The following UQCRC2 variants were observed in gnomAD, a reference collection of about 807,000 sequenced individuals.
The protein encoded by UQCRC2 is ubiquinol-cytochrome c reductase core protein 2.
In UQCRC2, 49 loss-of-function variants were observed where a neutral mutation model predicts 55.6. The ratio of observed to expected loss-of-function variants is 0.88; its 90% confidence interval spans 0.70 to 1.12. The LOEUF (loss-of-function observed/expected upper bound fraction) is 1.12, where lower values mean the gene tolerates loss of function less well. Among genes scored for constraint, UQCRC2 ranks in the 50% most tolerant of loss-of-function variants. The pLI is 0.00. For synonymous variants in UQCRC2, 193 were observed against 192.0 expected, an observed-to-expected ratio of 1.01 and a Z score of -0.04; for missense variants, 506 against 547.8, an observed-to-expected ratio of 0.92 and a Z score of 0.76.
intron 12 of UQCRC2, 155 bp downstream of exon 12, chr16:21,976,398 A>G (rs1898587169): frequency 1.6e-6 from 1 of 639,254 alleles, no homozygotes; most frequent in Non-Finnish European, 2.6e-6. Flanking sequence ...ACCTAAAGAT[A>G]TAATTGTTAA....
intron 4 of UQCRC2, among the ~76,000 whole-genome samples, chr16:21,961,906 G>T (rs1041391095): frequency 3.3e-5 from 5 of 151,638 alleles, no homozygotes; most frequent in African/African-American, 1.2e-4. Context: ...GCCCACCTCG[G>T]CCTCCCAAAG....
intron 3 of UQCRC2, 107 bp from the exon 4 acceptor site, chr16:21,958,428 T>C (rs964449243): frequency 7.3e-6 from 7 of 960,038 alleles, no homozygotes; most frequent in African/African-American, 1.7e-5. Context: ...TGCAGGAATT[T>C]AGTAAAATTC....
At chr16:21,978,168 T>A (rs533868217) in intron 12 of UQCRC2, among the ~76,000 whole-genome samples, 28 of 152,332 alleles carry the variant, frequency 1.8e-4, no homozygotes, top group African/African-American at 5.3e-4. Flanking sequence ...CTTTTTCTTG[T>A]AAGTTCTTCC....
chr16:21,965,520 T>C lies in UQCRC2; in HGVS notation c.612+15T>C, dbSNP rs1397225025. The C allele has an allele frequency of 6.5e-7, 1 of 1,534,088 alleles. No homozygotes were observed. Among genetic ancestry groups the C allele is most frequent in the Non-Finnish European group, 8.8e-7 (1 of 1,139,228 alleles). ...CATCAGAGGAGGTACCAATAAAACA[T>C]ATTTTGAAATGTGCTTGTTTTTCAC... is the stretch of plus-strand genomic sequence containing the variant. On this transcript the variant is annotated intron_variant, in intron 7 of 13. Transcript: ENST00000268379.
intron 4 of UQCRC2, chr16:21,962,201 C>T: frequency 4.3e-6 from 2 of 461,822 alleles, no homozygotes; most frequent in South Asian, 5.7e-5. Context: ...GGCTTATTAT[C>T]CTTAGCATAA....
chr16:21,960,894 A>C (rs1898183471), intron 4 of UQCRC2, among the ~76,000 whole-genome samples: 1 of 152,016 alleles, frequency 6.6e-6, no homozygotes, highest in East Asian at 1.9e-4. Flanking sequence ...GGAGTGGTGC[A>C]GACATACCTT....
intron 8 of UQCRC2, 98 bp from the exon 9 acceptor site, chr16:21,971,427 G>A (rs1898457191): frequency 2.0e-6 from 2 of 997,210 alleles, no homozygotes; most frequent in Non-Finnish European, 3.0e-6. Context: ...TGTAGTGTTA[G>A]GATTTTACAA....
chr16:21,953,590 G>T, intron 1 of UQCRC2, 134 bp downstream of exon 1: 1 of 1,143,654 alleles, frequency 8.7e-7, no homozygotes, highest in Non-Finnish European at 1.2e-6. Flanking sequence ...TGCGGGCCAA[G>T]TGGGCTGCAG....
intron 8 of UQCRC2, among the ~76,000 whole-genome samples, chr16:21,970,791 G>A (rs983618709): frequency 6.6e-6 from 1 of 152,100 alleles, no homozygotes; most frequent in Non-Finnish European, 1.5e-5. Context: ...TCACCATGTT[G>A]GCTGGACTGG....
At chr16:21,969,208 C>T (rs1898399071) in intron 8 of UQCRC2, among the ~76,000 whole-genome samples, 2 of 152,094 alleles carry the variant, frequency 1.3e-5, no homozygotes, top group South Asian at 2.1e-4. Context: ...TAAACTAGTA[C>T]AACATTTTGG....
intron 1 of UQCRC2, among the ~76,000 whole-genome samples, chr16:21,955,143 G>C (rs904357088): frequency 6.6e-6 from 1 of 151,966 alleles, no homozygotes. Flanking sequence ...CTTGGTAACG[G>C]AATTATAGAT....
At chr16:21,956,036 G>A (rs1898081222) in intron 1 of UQCRC2, among the ~76,000 whole-genome samples, 1 of 152,132 alleles carries the variant, frequency 6.6e-6, no homozygotes, top group African/African-American at 2.4e-5. Context: ...TGTTTGTCAG[G>A]CTAGTCTCGA....
chr16:21,958,347 T>A (rs1357878476), intron 3 of UQCRC2, among the ~76,000 whole-genome samples, 188 bp from the exon 4 acceptor site: 1 of 152,238 alleles, frequency 6.6e-6, no homozygotes. Context: ...TTTACATGAA[T>A]GTACTTAATG....
chr16:21,961,121 C>T (rs1019999140), intron 4 of UQCRC2, among the ~76,000 whole-genome samples: 1 of 152,294 alleles, frequency 6.6e-6, no homozygotes, highest in Non-Finnish European at 1.5e-5. Flanking sequence ...AGCCACTGCA[C>T]CCAGCCCAGA....
At chr16:21,968,710 G>A in intron 8 of UQCRC2, 25 bp downstream of exon 8, 7 of 1,592,216 alleles carry the variant, frequency 4.4e-6, no homozygotes, top group Non-Finnish European at 6.0e-6. Context: ...TTGCCTGCCT[G>A]TCAGTTTGCT....
chr16:21,979,452 C>T (rs975711406), intron 12 of UQCRC2, among the ~76,000 whole-genome samples: 2 of 152,142 alleles, frequency 1.3e-5, no homozygotes, highest in Non-Finnish European at 2.9e-5. Context: ...ATGGTATAGC[C>T]TACTACACAC....
At chr16:21,967,070 GT>G (rs1898345077) in intron 7 of UQCRC2, among the ~76,000 whole-genome samples, 1 of 152,100 alleles carries the variant, frequency 6.6e-6, no homozygotes, top group Non-Finnish European at 1.5e-5. Flanking sequence ...GATGTTAACT[GT>G]GATAACTTGG....
chr16:21,975,579 C>T lies in UQCRC2; in HGVS notation c.1048-588C>T, dbSNP rs146923139. Among the ~76,000 whole-genome samples, 8 of 152,218 alleles carry T rather than the reference C, an allele frequency of 5.3e-5. No homozygotes were observed. The South Asian group carries it at 8.3e-4, about 16-fold the overall frequency. On this transcript the variant is annotated intron_variant, in intron 11 of 13. Coordinates refer to ENST00000268379, the MANE Select transcript of UQCRC2 (RefSeq NM_003366.4). ...AATATTTACCAAGTACCCACATCCC[C>T]GGAACTTTATTCTTTCTTTCTTTTT...
intron 6 of UQCRC2, among the ~76,000 whole-genome samples, chr16:21,963,370 C>G (rs970052126): frequency 1.3e-5 from 2 of 152,146 alleles, no homozygotes; most frequent in Admixed American, 1.3e-4. Context: ...TCTTTTGTTT[C>G]TAAACATTTA....
Sources: gnomAD v4.1 joint callset for allele counts (sites outside exome capture counted in the v4.1 genomes callset) on GRCh38, gnomAD v4.1.1 for gene constraint, MANE v1.5 for transcripts, NCBI Gene and HGNC (gene_info 2026-07-23, HGNC 2026-07-21) for gene names.